PDE6D: variants seen among roughly 807,000 people sequenced by gnomAD.
The protein encoded by PDE6D is phosphodiesterase 6D, also known as retinal rod rhodopsin-sensitive cGMP 3',5'-cyclic phosphodiesterase subunit delta.
Under a neutral mutation model 21.9 loss-of-function variants are expected in PDE6D, and 10 were observed. The ratio of observed to expected loss-of-function variants is 0.46; its 90% CI spans 0.28 to 0.78. PDE6D has a LOEUF of 0.78. PDE6D is among the 30% of genes least tolerant of loss of function. The pLI is 0.12. For missense variants in PDE6D, 139 were observed against 184.8 expected (o/e 0.75, Z 1.44); for synonymous variants, 59 against 63.5 (o/e 0.93, Z 0.34).
At chr2:231,735,849 C>A (rs1419702220) in intron 4 of PDE6D, among the ~76,000 whole-genome samples, 1 of 151,502 alleles carries the variant, frequency 6.6e-6, no homozygotes, top group African/African-American at 2.4e-5. Context: ...TATGGTGAAA[C>A]CCTGTCTCTA....
chr2:231,741,405 C>T (rs942886212), intron 1 of PDE6D, among the ~76,000 whole-genome samples: 1 of 152,018 alleles, frequency 6.6e-6, no homozygotes, highest in Non-Finnish European at 1.5e-5. Context: ...AATATGGCTT[C>T]ATCAAAATGA....
intron 1 of PDE6D, among the ~76,000 whole-genome samples, chr2:231,780,499 G>T (rs1398071062): frequency 6.6e-6 from 1 of 152,156 alleles, no homozygotes; most frequent in Non-Finnish European, 1.5e-5. Flanking sequence ...GAAGCCACAA[G>T]TTTGGAAGAG....
At chr2:231,744,527 G>A (rs1399131410) in intron 1 of PDE6D, among the ~76,000 whole-genome samples, 2 of 150,208 alleles carry the variant, frequency 1.3e-5, no homozygotes, top group African/African-American at 4.9e-5. Context: ...TCCGCCTCCC[G>A]GGTTCAAGTG....
At chr2:231,733,450 G>A (rs564145485) in intron 4 of PDE6D, among the ~76,000 whole-genome samples, 4 of 152,262 alleles carry the variant, frequency 2.6e-5, no homozygotes, top group African/African-American at 9.6e-5. Context: ...GTCGAAAGGT[G>A]GGCTTTGGCC....
At chr2:231,738,194 G>A (rs1471710602) in intron 2 of PDE6D, 56 bp from the exon 3 acceptor site, 2 of 1,522,888 alleles carry the variant, frequency 1.3e-6, no homozygotes, top group African/African-American at 2.8e-5. Flanking sequence ...ACAGGACTAT[G>A]ATGCTTCAAA....
chr2:231,734,563 C>T (rs755608948), intron 4 of PDE6D, among the ~76,000 whole-genome samples: 4 of 151,736 alleles, frequency 2.6e-5, no homozygotes, highest in South Asian at 2.1e-4. Flanking sequence ...GTAAATAGGC[C>T]GGGCATGGTG....
chr2:231,752,771 T>C (rs1165655661), intron 1 of PDE6D, among the ~76,000 whole-genome samples: 2 of 150,446 alleles, frequency 1.3e-5, no homozygotes, highest in East Asian at 3.9e-4. Context: ...ACTTGTATTA[T>C]ATATATATTA....
At chr2:231,746,344 T>A (rs1222034100) in intron 1 of PDE6D, among the ~76,000 whole-genome samples, 1 of 152,158 alleles carries the variant, frequency 6.6e-6, no homozygotes, top group Non-Finnish European at 1.5e-5. Context: ...GGTTTCACTA[T>A]GTTGCCCAGG....
chr2:231,772,136 T>G (rs77657425), intron 1 of PDE6D, among the ~76,000 whole-genome samples: 1 of 145,512 alleles, frequency 6.9e-6, no homozygotes, highest in Non-Finnish European at 1.5e-5. Context: ...AGAACAGTTG[T>G]TTTTTTTTTT....
chr2:231,751,953 T>C (rs935209323), intron 1 of PDE6D, among the ~76,000 whole-genome samples: 2 of 152,222 alleles, frequency 1.3e-5, no homozygotes, highest in African/African-American at 2.4e-5. Flanking sequence ...TCTACTTCCT[T>C]GAGGGATAAA....
At chr2:231,756,149 T>C (rs982063922) in intron 1 of PDE6D, among the ~76,000 whole-genome samples, 2 of 152,100 alleles carry the variant, frequency 1.3e-5, no homozygotes, top group Admixed American at 1.3e-4. Context: ...GCAAAATTAC[T>C]CTCTTCCCCT....
intron 1 of PDE6D, among the ~76,000 whole-genome samples, chr2:231,743,661 G>T (rs73994885): frequency 0.012 from 1,863 of 151,470 alleles, 41 homozygotes; most frequent in African/African-American, 0.043. Context: ...AGACAGTGCC[G>T]TTCCTCTCCA....
chr2:231,755,634 A>G (rs995014724), intron 1 of PDE6D, among the ~76,000 whole-genome samples: 4 of 151,654 alleles, frequency 2.6e-5, no homozygotes, highest in African/African-American at 9.7e-5. Flanking sequence ...TCTAAAAAAA[A>G]AGTTGGCTGG....
chr2:231,736,723 T>C (rs2048705101), intron 4 of PDE6D, among the ~76,000 whole-genome samples: 1 of 152,146 alleles, frequency 6.6e-6, no homozygotes, highest in Non-Finnish European at 1.5e-5. Context: ...CTAAACAAAA[T>C]ACAGAGATAC....
intron 1 of PDE6D, among the ~76,000 whole-genome samples, chr2:231,769,925 T>A (rs2049001860): frequency 6.6e-6 from 1 of 152,334 alleles, no homozygotes; most frequent in East Asian, 1.9e-4. Flanking sequence ...CAATATACTT[T>A]CACCTGATAT....
rs2048729807 is a variant in PDE6D, at chr2:231,739,359, A to G, written c.51-171T>C. 6.8e-6 allele frequency: 5 copies of G among 737,122 alleles called. No homozygotes were observed. Among genetic ancestry groups the G allele is most frequent in the Non-Finnish European group, 1.2e-5 (5 of 400,040 alleles). 45.7% of individuals were successfully genotyped at this position (737,122 alleles called of 1,614,324 possible). On this transcript the variant is annotated intron_variant, in intron 1 of 4. Transcript: ENST00000287600. This position sits in a 1 kb window ranked among gnomAD's most constrained non-coding sequence, Gnocchi z 4.2. ...TGTGAGGAGAGTCAAAAAGACATCT[A>G]AAGGAAGAAGCAGAAACCTAGAGAA...
intron 1 of PDE6D, among the ~76,000 whole-genome samples, chr2:231,746,950 G>A (rs1423043799): frequency 6.6e-6 from 1 of 152,206 alleles, no homozygotes. Flanking sequence ...ATACTGTATA[G>A]CTGTCTGGGT....
rs1476006460 is a variant in PDE6D, at chr2:231,752,873, GCC to G, written c.51-13687_51-13686del. Among the ~76,000 whole-genome samples, 6 of 132,668 alleles carry G rather than the reference GCC, an allele frequency of 4.5e-5. No individual in the cohort carries two copies. The Admixed American group carries it at 5.2e-4, about 11-fold the overall frequency. The allele number at this position is 132,668 out of a possible 152,430, so 87.0% of individuals were successfully genotyped here. The stretch of plus-strand genomic sequence containing the variant: ...TTTTGAGACGGAGTCTCACTCTGTC[GCC>G]CAGGCTGGAGTGCAGTGGCGCAATC... On this transcript the variant is annotated intron_variant, in intron 1 of 4. Transcript: ENST00000287600.
At chr2:231,766,064 A>T (rs1027696425) in intron 1 of PDE6D, among the ~76,000 whole-genome samples, 3 of 152,244 alleles carry the variant, frequency 2.0e-5, no homozygotes, top group African/African-American at 7.2e-5. Flanking sequence ...ATAATTTCCC[A>T]GTGATTTTCC....
Sources: gnomAD v4.1 joint callset for allele counts (sites outside exome capture counted in the v4.1 genomes callset) on GRCh38, gnomAD v4.1.1 for gene constraint, Gnocchi (gnomAD v3.1) non-coding constraint, MANE v1.5 for transcripts, NCBI Gene and HGNC (gene_info 2026-07-23, HGNC 2026-07-21) for gene names.